LRMDA: variants seen among roughly 807,000 people sequenced by gnomAD.
LRMDA encodes the protein leucine-rich melanocyte differentiation-associated protein.
In LRMDA, 18 loss-of-function variants were observed where a neutral mutation model predicts 29.8. That is an observed-to-expected ratio of 0.60 (90% CI 0.42 to 0.90). The LOEUF is 0.90. Among genes scored for constraint, LRMDA ranks in the 40% least tolerant of loss-of-function variants. The probability of loss-of-function intolerance (pLI) is 0.00; values close to 1 mark genes in which losing one functional copy is unlikely to be tolerated. For missense variants in LRMDA, 273 were observed against 273.9 expected (o/e 1.00, Z 0.02); for synonymous variants, 125 against 109.4 (o/e 1.14, Z -0.89).
intron 5 of LRMDA, among the ~76,000 whole-genome samples, chr10:76,122,059 T>C (rs543150157): frequency 2.0e-5 from 3 of 152,246 alleles, no homozygotes; most frequent in African/African-American, 7.2e-5. Context: ...CTGTGACATG[T>C]AGGATGATCA....
chr10:76,042,992 C>G (rs1425372677), intron 3 of LRMDA, among the ~76,000 whole-genome samples: 3 of 152,032 alleles, frequency 2.0e-5, no homozygotes, highest in Admixed American at 1.3e-4. Flanking sequence ...AATCCCAGAA[C>G]TTTGGGAGGC....
At chr10:76,262,310 C>G (rs1445358128) in intron 5 of LRMDA, among the ~76,000 whole-genome samples, 1 of 152,178 alleles carries the variant, frequency 6.6e-6, no homozygotes, top group African/African-American at 2.4e-5. Context: ...ATCTTTACCA[C>G]CAGTGTTCAC....
At chr10:76,386,741 A>T (rs1354904872) in intron 6 of LRMDA, among the ~76,000 whole-genome samples, 1 of 152,166 alleles carries the variant, frequency 6.6e-6, no homozygotes, top group Non-Finnish European at 1.5e-5. Flanking sequence ...AAAAATGTGT[A>T]TTTTTATATA....
intron 6 of LRMDA, among the ~76,000 whole-genome samples, chr10:76,352,338 G>GAACA (rs1379936844): frequency 1.3e-5 from 2 of 152,108 alleles, no homozygotes; most frequent in African/African-American, 4.8e-5. Flanking sequence ...ACAATTATAA[G>GAACA]AATATTCCAG....
intron 6 of LRMDA, among the ~76,000 whole-genome samples, chr10:76,491,478 G>A (rs1001361216): frequency 2.6e-5 from 4 of 151,628 alleles, no homozygotes; most frequent in African/African-American, 9.7e-5. Context: ...TTTTCCTTTG[G>A]CACTTTAAAT....
intron 2 of LRMDA, among the ~76,000 whole-genome samples, chr10:75,752,401 T>C (rs192262237): frequency 8.5e-4 from 129 of 152,168 alleles, no homozygotes; most frequent in African/African-American, 3.1e-3. Flanking sequence ...GTAGTAGATA[T>C]GGGGTTTCAC....
At chr10:76,380,591 C>A (rs1841577852) in intron 6 of LRMDA, among the ~76,000 whole-genome samples, 1 of 150,614 alleles carries the variant, frequency 6.6e-6, no homozygotes, top group Admixed American at 6.6e-5. Context: ...ATGGTGTAAA[C>A]CCAGGAGGTG....
At chr10:76,363,014 A>G (rs540153633) in intron 6 of LRMDA, among the ~76,000 whole-genome samples, 1 of 151,152 alleles carries the variant, frequency 6.6e-6, no homozygotes, top group Non-Finnish European at 1.5e-5. Context: ...GCTTTACTCA[A>G]TGCCTGCAAA....
chr10:75,824,204 A>G (rs968947531), intron 2 of LRMDA, among the ~76,000 whole-genome samples: 3 of 152,250 alleles, frequency 2.0e-5, no homozygotes, highest in African/African-American at 7.2e-5. Context: ...TAAATGAAGT[A>G]TATTATCAAA....
At chr10:75,750,173 A>C (rs1465750139) in intron 2 of LRMDA, among the ~76,000 whole-genome samples, 1 of 152,064 alleles carries the variant, frequency 6.6e-6, no homozygotes, top group Non-Finnish European at 1.5e-5. Context: ...GCGGCTGGGC[A>C]GAGGGGCTCC....
intron 2 of LRMDA, among the ~76,000 whole-genome samples, chr10:75,485,449 T>G (rs1172471335): frequency 6.6e-6 from 1 of 152,132 alleles, no homozygotes; most frequent in East Asian, 1.9e-4. Flanking sequence ...CAGGCTAGAG[T>G]GCAGTGACGT....
At chr10:75,802,045 A>G (rs1210014220) in intron 2 of LRMDA, among the ~76,000 whole-genome samples, 1 of 152,158 alleles carries the variant, frequency 6.6e-6, no homozygotes, top group Non-Finnish European at 1.5e-5. Context: ...GAGGCTGAGC[A>G]TGGTGGCTCA....
chr10:76,347,027 G>A (rs1025227846), intron 6 of LRMDA, among the ~76,000 whole-genome samples: 2 of 152,176 alleles, frequency 1.3e-5, no homozygotes, highest in Non-Finnish European at 2.9e-5. Flanking sequence ...TGGAAATAAT[G>A]TCTAATTGGA....
chr10:76,415,846 C>T (rs1842009128), intron 6 of LRMDA, among the ~76,000 whole-genome samples: 1 of 152,214 alleles, frequency 6.6e-6, no homozygotes, highest in Non-Finnish European at 1.5e-5. Flanking sequence ...TTTGTGAAGG[C>T]TGACTCCATG....
At chr10:76,047,495 G>C (rs1017864896) in intron 4 of LRMDA, among the ~76,000 whole-genome samples, 192 bp downstream of exon 4, 3 of 152,174 alleles carry the variant, frequency 2.0e-5, no homozygotes, top group Non-Finnish European at 2.9e-5. Flanking sequence ...AGCTAAGAAA[G>C]ATGAAAAGTT....
intron 5 of LRMDA, among the ~76,000 whole-genome samples, chr10:76,297,637 T>G (rs539727911): frequency 6.6e-6 from 1 of 152,302 alleles, no homozygotes; most frequent in Admixed American, 6.5e-5. Context: ...GCCTGTCGTT[T>G]CTGTCATTCT....
intron 5 of LRMDA, among the ~76,000 whole-genome samples, chr10:76,080,498 C>T (rs1042239459): frequency 6.6e-6 from 1 of 152,210 alleles, no homozygotes; most frequent in Admixed American, 6.5e-5. Context: ...TCAGTTCTCT[C>T]ACCAAGTGTT....
intron 2 of LRMDA, among the ~76,000 whole-genome samples, chr10:76,026,385 C>G (rs1331661136): frequency 6.6e-6 from 1 of 152,136 alleles, no homozygotes; most frequent in Non-Finnish European, 1.5e-5. Context: ...AGGTAGGCCA[C>G]TTTACCTCTC....
At chr10:76,102,502 T>C (rs2132103705) in intron 5 of LRMDA, among the ~76,000 whole-genome samples, 1 of 152,346 alleles carries the variant, frequency 6.6e-6, no homozygotes, top group African/African-American at 2.4e-5. Context: ...TTTCTGTTCG[T>C]GCATTAGTTT....
Sources: gnomAD v4.1 joint callset for allele counts (sites outside exome capture counted in the v4.1 genomes callset) on GRCh38, gnomAD v4.1.1 for gene constraint, MANE v1.5 for transcripts, NCBI Gene and HGNC (gene_info 2026-07-23, HGNC 2026-07-21) for gene names.